AGAP1: variants seen among roughly 807,000 people sequenced by gnomAD.
AGAP1 encodes arf-GAP with GTPase, ANK repeat and PH domain-containing protein 1.
A neutral mutation model predicts 105.3 loss-of-function variants in AGAP1; 29 were observed. That is an observed-to-expected ratio of 0.28 (90% CI 0.21 to 0.38). The LOEUF (loss-of-function observed/expected upper bound fraction) is 0.38, where lower values mean the gene tolerates loss of function less well. Ranked by LOEUF, AGAP1 falls within the 10% of genes least tolerant of loss-of-function variation. The pLI, the probability that AGAP1 is intolerant of heterozygous loss-of-function variation, is 1.00. For missense variants in AGAP1, 998 were observed against 1,165.1 expected (o/e 0.86, Z 2.09); for synonymous variants, 509 against 485.9 (o/e 1.05, Z -0.63).
intron 6 of AGAP1, among the ~76,000 whole-genome samples, chr2:235,763,035 G>GGTGTGTGTGT (rs145122803): frequency 2.7e-4 from 38 of 140,076 alleles, no homozygotes; most frequent in African/African-American, 9.0e-4. Flanking sequence ...TTAAGGCTCG[G>GGTGTGTGTGT]GTGTGTGTGT....
chr2:236,046,789 C>G lies in AGAP1; in HGVS notation c.1892-2270C>G, dbSNP rs962391185. The stretch of plus-strand genomic sequence containing the variant: ...GGGAAAGAGATCACAACGGAGCAAC[C>G]AGGAAAGTGGGGAAAAAATCCAGAG... On this transcript the variant is annotated intron_variant, in intron 15 of 17. Transcript: ENST00000304032. This position sits in a 1 kb window ranked among gnomAD's most constrained non-coding sequence, Gnocchi z 5.2. 6.6e-6 allele frequency among the ~76,000 whole-genome samples: 1 copy of G among 152,084 alleles called. No homozygotes were observed. The highest frequency in any genetic ancestry group is 2.4e-5 in the African/African-American group (1 of 41,408).
At chr2:235,671,194 G>C (rs1948401518) in intron 1 of AGAP1, 3 of 1,024,020 alleles carry the variant, frequency 2.9e-6, no homozygotes, top group South Asian at 9.8e-5. Flanking sequence ...CGGGTACTGC[G>C]GTTTTCCCCA....
At chr2:235,990,022 G>C (rs1382883342) in intron 13 of AGAP1, among the ~76,000 whole-genome samples, 2 of 152,040 alleles carry the variant, frequency 1.3e-5, no homozygotes, top group African/African-American at 2.4e-5. Flanking sequence ...CGGAGATTCA[G>C]ACTCATAAAA....
chr2:236,061,020 G>A lies in AGAP1; in HGVS notation c.2114+11739G>A, dbSNP rs148801790. ...TGAGGTTGCAGTGAGCCGTTATCAC[G>A]TCACTCCACTCTAGCCTGGATAACA... On this transcript the variant is annotated intron_variant, in intron 16 of 17. Transcript: ENST00000304032. The surrounding 1 kb of genome is among the most constrained non-coding windows in gnomAD (Gnocchi z 4.1). Among the ~76,000 whole-genome samples, 22 of 152,254 alleles carry A rather than the reference G, an allele frequency of 1.4e-4. No homozygotes were observed. The East Asian group carries it at 2.3e-3, about 16-fold the overall frequency.
intron 6 of AGAP1, among the ~76,000 whole-genome samples, chr2:235,766,868 A>G (rs1954997236): frequency 6.7e-6 from 1 of 149,588 alleles, no homozygotes; most frequent in Non-Finnish European, 1.5e-5. Flanking sequence ...CAGCCTCCCG[A>G]GTAGCTGGGA....
In AGAP1 at chr2:235,992,911, C is replaced by T. The variant is rs927774198; in HGVS notation, c.1645+24288C>T. On this transcript the variant is annotated intron_variant, in intron 13 of 17. Coordinates refer to ENST00000304032, the MANE Select transcript of AGAP1 (RefSeq NM_001037131.3). This position sits in a 1 kb window ranked among gnomAD's most constrained non-coding sequence, Gnocchi z 4.8. ...GTGAACCATGGACGTCTCTCCTTGA[C>T]CTCCTCCCTACCTGGGAGAACCTGG... 1.3e-5 allele frequency among the ~76,000 whole-genome samples: 2 copies of T among 152,276 alleles called. No homozygotes were observed. Among genetic ancestry groups the T allele is most frequent in the South Asian group, 4.1e-4 (2 of 4,824 alleles).
chr2:235,846,479 G>T (rs184553567), intron 9 of AGAP1, among the ~76,000 whole-genome samples: 1 of 148,050 alleles, frequency 6.8e-6, no homozygotes, highest in Non-Finnish European at 1.5e-5. Flanking sequence ...AGCAGGCACC[G>T]TGATGCCTGG....
At chr2:235,890,993 A>AT (rs2050515757) in intron 10 of AGAP1, among the ~76,000 whole-genome samples, 1 of 150,936 alleles carries the variant, frequency 6.6e-6, no homozygotes, top group South Asian at 2.1e-4. Context: ...AGATGCTATT[A>AT]TTAAATGAAA....
rs2058061061 is a variant in AGAP1 at position 236,056,710 on chromosome 2, A to G, written c.2114+7429A>G. ...TGAACTTTTCTCTTTCTTCTTCTTA[A>G]TGAAGAGGAGGGAGACAAAAACATG... On this transcript the variant is annotated intron_variant, in intron 16 of 17. Transcript: ENST00000304032. The surrounding 1 kb of genome is among the most constrained non-coding windows in gnomAD (Gnocchi z 4.6). 1.3e-5 allele frequency among the ~76,000 whole-genome samples: 2 copies of G among 152,054 alleles called. No individual in the cohort carries two copies.
At chr2:235,676,952 C>A (rs918270856) in intron 1 of AGAP1, among the ~76,000 whole-genome samples, 3 of 152,120 alleles carry the variant, frequency 2.0e-5, no homozygotes, top group Non-Finnish European at 4.4e-5. Flanking sequence ...AGATTATTGT[C>A]TTTTCATTAT....
chr2:235,634,746 A>C (rs1243212930), intron 1 of AGAP1, among the ~76,000 whole-genome samples: 1 of 152,190 alleles, frequency 6.6e-6, no homozygotes, highest in Non-Finnish European at 1.5e-5. Flanking sequence ...TTTGAAACTG[A>C]GAACACTAAT....
rs1950499571 is a variant in AGAP1, at chr2:235,705,630, A to G, written c.164-3549A>G. Among the ~76,000 whole-genome samples, 1 of 152,202 alleles carries G rather than the reference A, an allele frequency of 6.6e-6. No individual in the cohort carries two copies. Among genetic ancestry groups the G allele is most frequent in the Admixed American group, 6.5e-5 (1 of 15,278 alleles). ...TTTGTTAATTTTCGTTTAGCTTTGT[A>G]TGAGGCAGCATTCCATTTTGACTGG... On this transcript the variant is annotated intron_variant, in intron 1 of 17. Coordinates refer to ENST00000304032, the MANE Select transcript of AGAP1 (RefSeq NM_001037131.3). This position sits in a 1 kb window ranked among gnomAD's most constrained non-coding sequence, Gnocchi z 4.9.
intron 1 of AGAP1, among the ~76,000 whole-genome samples, chr2:235,603,230 C>T (rs34048350): frequency 0.047 from 7,100 of 151,726 alleles, 212 homozygotes; most frequent in South Asian, 0.068. Context: ...CTCTCTCTTG[C>T]CTGCCGCCAT....
chr2:235,648,052 T>C (rs1189173153), intron 1 of AGAP1, among the ~76,000 whole-genome samples: 3 of 152,218 alleles, frequency 2.0e-5, no homozygotes. Context: ...CTTAGAAAGC[T>C]GCACACAAGC....
chr2:236,013,585 C>T (rs975872283), intron 13 of AGAP1, among the ~76,000 whole-genome samples: 1 of 82,714 alleles, frequency 1.2e-5, no homozygotes, highest in African/African-American at 9.1e-5. Flanking sequence ...AGGGTAAGGG[C>T]CTGCCCGTCC....
chr2:235,808,040 A>G (rs572370384), intron 9 of AGAP1, among the ~76,000 whole-genome samples: 311 of 142,124 alleles, frequency 2.2e-3, no homozygotes, highest in Non-Finnish European at 3.7e-3. Flanking sequence ...TATATCTCCA[A>G]TAAGAAAAAA....
chr2:235,888,365 A>G lies in AGAP1; in HGVS notation c.1155+4916A>G, dbSNP rs2050367419. Among the ~76,000 whole-genome samples the G allele has an allele frequency of 1.3e-5, 2 of 152,046 alleles. No individual in the cohort carries two copies. The highest frequency in any genetic ancestry group is 2.9e-5 in the Non-Finnish European group (2 of 68,008). On this transcript the variant is annotated intron_variant, in intron 10 of 17. Coordinates refer to ENST00000304032, the MANE Select transcript of AGAP1 (RefSeq NM_001037131.3). The surrounding 1 kb of genome is among the most constrained non-coding windows in gnomAD (Gnocchi z 4.8). ...TGTCAGAGGATTGCCTGTGTGGGAT[A>G]GGAGGGTCTAGAAGGCTCGACTCCC...
At chr2:235,785,032 G>T (rs958579114) in intron 6 of AGAP1, among the ~76,000 whole-genome samples, 3 of 152,172 alleles carry the variant, frequency 2.0e-5, no homozygotes, top group Non-Finnish European at 1.5e-5. Flanking sequence ...ACTTCTTCCC[G>T]TGCACAGGGC....
chr2:235,560,839 AGTGCACCTCC>A (rs1944125852), intron 1 of AGAP1, among the ~76,000 whole-genome samples: 1 of 152,126 alleles, frequency 6.6e-6, no homozygotes, highest in Non-Finnish European at 1.5e-5. Flanking sequence ...GCAGTAGATG[AGTGCACCTCC>A]CCTTTCCAAC....
Sources: allele counts gnomAD v4.1 joint callset (sites outside exome capture counted in the v4.1 genomes callset), GRCh38; gene constraint gnomAD v4.1.1; non-coding constraint Gnocchi (gnomAD v3.1); transcripts MANE v1.5; gene names NCBI Gene and HGNC (gene_info 2026-07-23, HGNC 2026-07-21).